The following CTNNA3 variants were observed in gnomAD, a reference collection of about 807,000 sequenced individuals.
CTNNA3 encodes catenin alpha-3.
In CTNNA3, 76 loss-of-function variants were observed where a neutral mutation model predicts 95.7. That is an observed-to-expected ratio of 0.79 (90% CI 0.66 to 0.96). CTNNA3 has a LOEUF of 0.96. Ranked by LOEUF, CTNNA3 falls within the 40% of genes least tolerant of loss-of-function variation. The pLI is 0.00. For synonymous variants in CTNNA3, 431 were observed against 374.4 expected, an observed-to-expected ratio of 1.15 and a Z score of -1.74; for missense variants, 1,191 against 1,089.8, an observed-to-expected ratio of 1.09 and a Z score of -1.31.
intron 1 of CTNNA3, among the ~76,000 whole-genome samples, chr10:67,677,923 G>A (rs1223199717): frequency 6.6e-6 from 1 of 152,118 alleles, no homozygotes; most frequent in African/African-American, 2.4e-5. Context: ...AATAATAGGA[G>A]TAGGAGAAGA....
At chr10:66,479,950 T>TCACACACA (rs71466882) in intron 11 of CTNNA3, among the ~76,000 whole-genome samples, 11,373 of 145,272 alleles carry the variant, frequency 0.078, 727 homozygotes, top group East Asian at 0.33. Flanking sequence ...ACCAAAGCAT[T>TCACACACA]CACACACACA....
intron 12 of CTNNA3, among the ~76,000 whole-genome samples, chr10:66,372,955 G>A (rs1022319857): frequency 2.6e-5 from 4 of 152,000 alleles, no homozygotes; most frequent in African/African-American, 7.2e-5. Flanking sequence ...AACCACATCA[G>A]TTACATATTT....
At chr10:66,657,535 T>A (rs1030486039) in intron 9 of CTNNA3, among the ~76,000 whole-genome samples, 1 of 152,136 alleles carries the variant, frequency 6.6e-6, no homozygotes, top group Non-Finnish European at 1.5e-5. Flanking sequence ...TCCTGACTCT[T>A]TATTTCAGGC....
At chr10:66,308,157 C>T (rs1389368019) in intron 12 of CTNNA3, among the ~76,000 whole-genome samples, 1 of 152,074 alleles carries the variant, frequency 6.6e-6, no homozygotes, top group Non-Finnish European at 1.5e-5. Context: ...TTTAAGATGC[C>T]ATCAGATAAC....
chr10:66,582,665 C>A (rs765814222), intron 10 of CTNNA3, among the ~76,000 whole-genome samples: 7 of 151,712 alleles, frequency 4.6e-5, no homozygotes, highest in Non-Finnish European at 8.9e-5. Flanking sequence ...CTAGGATTCC[C>A]TGTACTATGT....
intron 11 of CTNNA3, among the ~76,000 whole-genome samples, chr10:66,453,792 G>A (rs1383209151): frequency 6.6e-6 from 1 of 152,126 alleles, no homozygotes; most frequent in African/African-American, 2.4e-5. Flanking sequence ...AACAATATAA[G>A]CATTCTCCAT....
At chr10:66,260,760 C>A (rs2090967698) in intron 13 of CTNNA3, among the ~76,000 whole-genome samples, 1 of 152,014 alleles carries the variant, frequency 6.6e-6, no homozygotes, top group Admixed American at 6.6e-5. Flanking sequence ...TTAATCGTAT[C>A]TTTATAATTG....
At chr10:66,601,050 A>C (rs1354163738) in intron 10 of CTNNA3, among the ~76,000 whole-genome samples, 1 of 151,874 alleles carries the variant, frequency 6.6e-6, no homozygotes, top group African/African-American at 2.4e-5. Flanking sequence ...TCTTCTTTAT[A>C]ATAGAATGAG....
At chr10:66,149,516 C>A (rs970410814) in intron 13 of CTNNA3, among the ~76,000 whole-genome samples, 8 of 151,288 alleles carry the variant, frequency 5.3e-5, no homozygotes, top group African/African-American at 1.9e-4. Context: ...GTGGAATTCA[C>A]TATACAATTA....
chr10:67,499,119 A>C (rs1839142143), intron 5 of CTNNA3, among the ~76,000 whole-genome samples: 1 of 152,102 alleles, frequency 6.6e-6, no homozygotes, highest in Non-Finnish European at 1.5e-5. Context: ...ATCAATACCT[A>C]GTTTATTGAG....
intron 9 of CTNNA3, among the ~76,000 whole-genome samples, chr10:66,674,657 T>C (rs16923387): frequency 0.19 from 29,330 of 152,014 alleles, 2,909 homozygotes; most frequent in African/African-American, 0.23. Flanking sequence ...AATATCTATA[T>C]TTCATTTGTT....
intron 2 of CTNNA3, among the ~76,000 whole-genome samples, chr10:67,619,752 T>C (rs886106945): frequency 2.0e-5 from 3 of 152,156 alleles, no homozygotes; most frequent in African/African-American, 4.8e-5. Context: ...ACACAGTTAG[T>C]TGGGAAACAC....
intron 12 of CTNNA3, among the ~76,000 whole-genome samples, chr10:66,332,376 G>C (rs1325293147): frequency 6.7e-6 from 1 of 148,432 alleles, no homozygotes; most frequent in South Asian, 2.2e-4. Context: ...GATATTGGCT[G>C]TGGGTTTGTC....
chr10:66,043,735 C>T (rs1430850806), intron 15 of CTNNA3, among the ~76,000 whole-genome samples: 2 of 152,048 alleles, frequency 1.3e-5, no homozygotes, highest in Non-Finnish European at 2.9e-5. Context: ...ACCTGTGGAC[C>T]GCAGTTGCCT....
At chr10:66,897,776 CAAACTTA>C (rs1358269942) in intron 7 of CTNNA3, among the ~76,000 whole-genome samples, 7 of 152,082 alleles carry the variant, frequency 4.6e-5, no homozygotes, top group Non-Finnish European at 2.9e-5. Context: ...CCTATAAACT[CAAACTTA>C]AATTAGAAGT....
At chr10:66,340,872 G>A (rs530831480) in intron 12 of CTNNA3, among the ~76,000 whole-genome samples, 2 of 151,892 alleles carry the variant, frequency 1.3e-5, no homozygotes, top group African/African-American at 4.8e-5. Flanking sequence ...TTTGAACTCA[G>A]ATCTGCAGAC....
chr10:67,657,799 A>T (rs1273999935), intron 1 of CTNNA3, among the ~76,000 whole-genome samples: 1 of 147,728 alleles, frequency 6.8e-6, no homozygotes, highest in African/African-American at 2.5e-5. Context: ...GTGAGCTGAG[A>T]TCACGCCATT....
At chr10:65,985,537 A>G (rs1003925466) in intron 16 of CTNNA3, among the ~76,000 whole-genome samples, 6 of 151,460 alleles carry the variant, frequency 4.0e-5, no homozygotes, top group African/African-American at 1.4e-4. Context: ...TATGCATTTT[A>G]TATCTTTAGT....
At chr10:66,369,454 G>A (rs2132457447) in intron 12 of CTNNA3, among the ~76,000 whole-genome samples, 1 of 152,112 alleles carries the variant, frequency 6.6e-6, no homozygotes, top group Admixed American at 6.6e-5. Context: ...TCCACCTTTA[G>A]TCAAGCAATC....
Sources: gnomAD v4.1 joint callset for allele counts (sites outside exome capture counted in the v4.1 genomes callset) on GRCh38, gnomAD v4.1.1 for gene constraint, MANE v1.5 for transcripts, NCBI Gene and HGNC (gene_info 2026-07-23, HGNC 2026-07-21) for gene names.